CNTN5: variants seen among roughly 807,000 people sequenced by gnomAD.
CNTN5 encodes the protein contactin-5.
In CNTN5, 77 loss-of-function variants were observed where a neutral mutation model predicts 129.1. The observed-to-expected ratio is 0.60, with a 90% CI of 0.50 to 0.72. CNTN5 has a LOEUF of 0.72. Ranked by LOEUF, CNTN5 falls within the 30% of genes least tolerant of loss-of-function variation. The pLI, the probability that CNTN5 is intolerant of heterozygous loss-of-function variation, is 0.00. For missense variants in CNTN5, 1,478 were observed against 1,328.8 expected (o/e 1.11, Z -1.75); for synonymous variants, 509 against 465.6 (o/e 1.09, Z -1.20).
intron 2 of CNTN5, among the ~76,000 whole-genome samples, chr11:99,445,285 G>A (rs1342019322): frequency 6.6e-6 from 1 of 151,548 alleles, no homozygotes; most frequent in African/African-American, 2.4e-5. Context: ...CTCAGCTAAT[G>A]AGGTAGAGTG....
At chr11:99,243,798 T>C (rs1014401035) in intron 1 of CNTN5, among the ~76,000 whole-genome samples, 4 of 150,754 alleles carry the variant, frequency 2.7e-5, no homozygotes, top group African/African-American at 7.3e-5. Context: ...TTCTGGGTTG[T>C]CTATGCTGTT....
At chr11:99,854,393 A>G (rs1947968481) in intron 6 of CNTN5, among the ~76,000 whole-genome samples, 1 of 152,192 alleles carries the variant, frequency 6.6e-6, no homozygotes, top group Admixed American at 6.5e-5. Context: ...TGCCTTAGGA[A>G]TATGTATCCA....
chr11:99,544,754 G>A (rs2466903), intron 2 of CNTN5, among the ~76,000 whole-genome samples: 37,237 of 152,084 alleles, frequency 0.24, 5,624 homozygotes, highest in Middle Eastern at 0.38. Context: ...AAAATAGAGA[G>A]AGGCAGTTTA....
At chr11:100,284,296 A>C (rs1950715450) in intron 18 of CNTN5, among the ~76,000 whole-genome samples, 1 of 152,222 alleles carries the variant, frequency 6.6e-6, no homozygotes, top group Non-Finnish European at 1.5e-5. Flanking sequence ...CCAAGGGGAC[A>C]ATCAGTGGAG....
chr11:100,034,437 A>T (rs1941875963), intron 9 of CNTN5, among the ~76,000 whole-genome samples: 1 of 152,208 alleles, frequency 6.6e-6, no homozygotes, highest in African/African-American at 2.4e-5. Flanking sequence ...ACATCTACTT[A>T]GTACAACCCC....
chr11:99,134,404 T>TA (rs559376966), intron 1 of CNTN5, among the ~76,000 whole-genome samples: 9 of 152,092 alleles, frequency 5.9e-5, no homozygotes, highest in Non-Finnish European at 1.2e-4. Context: ...CCCTGGAACA[T>TA]AAAAAAATAA....
At chr11:99,627,700 AGTTG>A (rs1951180880) in intron 3 of CNTN5, among the ~76,000 whole-genome samples, 1 of 152,004 alleles carries the variant, frequency 6.6e-6, no homozygotes, top group Non-Finnish European at 1.5e-5. Flanking sequence ...CTAAAAATGT[AGTTG>A]GAGGCCAGAA....
At chr11:99,394,612 G>C (rs1941427075) in intron 2 of CNTN5, among the ~76,000 whole-genome samples, 2 of 151,444 alleles carry the variant, frequency 1.3e-5, no homozygotes, top group South Asian at 4.2e-4. Flanking sequence ...TTTTGTTATG[G>C]GGTTTTTTGT....
At chr11:99,987,780 C>T (rs927285484) in intron 8 of CNTN5, among the ~76,000 whole-genome samples, 6 of 151,972 alleles carry the variant, frequency 3.9e-5, no homozygotes, top group Non-Finnish European at 7.4e-5. Flanking sequence ...TTAATAAAGT[C>T]CTAGCATTTG....
At chr11:99,297,785 A>C (rs1451895484) in intron 1 of CNTN5, among the ~76,000 whole-genome samples, 2 of 152,180 alleles carry the variant, frequency 1.3e-5, no homozygotes, top group African/African-American at 4.8e-5. Flanking sequence ...AAAGGGGTAA[A>C]ACACAAAAAT....
At chr11:99,241,792 T>C (rs1305463890) in intron 1 of CNTN5, among the ~76,000 whole-genome samples, 1 of 152,172 alleles carries the variant, frequency 6.6e-6, no homozygotes, top group Non-Finnish European at 1.5e-5. Flanking sequence ...CAAGAAAGTC[T>C]GTAGTAAATA....
intron 1 of CNTN5, among the ~76,000 whole-genome samples, chr11:99,080,674 T>C (rs1865754801): frequency 6.6e-6 from 1 of 152,154 alleles, no homozygotes; most frequent in South Asian, 2.1e-4. Context: ...ATAACTAATA[T>C]TTATCATTTG....
intron 16 of CNTN5, among the ~76,000 whole-genome samples, chr11:100,229,064 T>G (rs1347361580): frequency 2.0e-5 from 3 of 152,170 alleles, no homozygotes; most frequent in African/African-American, 4.8e-5. Flanking sequence ...AAGCTAGCGC[T>G]AACTAATTAT....
chr11:99,408,448 GAGAAAGAAAGAAAGAA>G (rs1555137775), intron 2 of CNTN5, among the ~76,000 whole-genome samples: 98 of 78,130 alleles, frequency 1.3e-3, no homozygotes, highest in South Asian at 7.5e-3. Flanking sequence ...AAGAAAGAAA[GAGAAAGAAAGAAAGAA>G]AGAAAGAAAG....
intron 8 of CNTN5, among the ~76,000 whole-genome samples, chr11:99,996,332 G>A (rs1052808472): frequency 9.9e-5 from 15 of 152,060 alleles, no homozygotes; most frequent in Admixed American, 7.2e-4. Context: ...TCAGCATAAT[G>A]CAGCTTCCCT....
intron 2 of CNTN5, among the ~76,000 whole-genome samples, chr11:99,377,522 C>T (rs1031006634): frequency 6.6e-6 from 1 of 151,454 alleles, no homozygotes; most frequent in Non-Finnish European, 1.5e-5. Flanking sequence ...TTAATTGTAA[C>T]TTTTTCTATG....
At chr11:100,326,239 G>C (rs1010009356) in intron 21 of CNTN5, among the ~76,000 whole-genome samples, 2 of 152,026 alleles carry the variant, frequency 1.3e-5, no homozygotes, top group African/African-American at 4.8e-5. Context: ...AGACGTGAAA[G>C]ACAGAATAGA....
At chr11:99,812,062 C>T (rs1366604040) in intron 3 of CNTN5, among the ~76,000 whole-genome samples, 5 of 151,970 alleles carry the variant, frequency 3.3e-5, no homozygotes, top group Non-Finnish European at 5.9e-5. Flanking sequence ...CTTGGAAACT[C>T]AAAAGGCCTA....
chr11:99,450,768 G>GTTTTTTTTTTTTTTTTTTTTTTTTTTTTT (rs34146715), intron 2 of CNTN5, among the ~76,000 whole-genome samples: 2 of 105,004 alleles, frequency 1.9e-5, no homozygotes, highest in Non-Finnish European at 3.8e-5. Context: ...ATTGAAGCAA[G>GTTTTTTTTTTTTTTTTTTTTTTTTTTTTT]TTTTTTTTTT....
Sources: allele counts gnomAD v4.1 joint callset (sites outside exome capture counted in the v4.1 genomes callset), GRCh38; gene constraint gnomAD v4.1.1; transcripts MANE v1.5; gene names NCBI Gene and HGNC (gene_info 2026-07-23, HGNC 2026-07-21).